Variants in ARL15 observed in about 807,000 individuals in gnomAD.
ARL15 encodes ADP-ribosylation factor-like protein 15.
In ARL15, 19 loss-of-function variants were observed where a neutral mutation model predicts 25.2. That is an observed-to-expected ratio of 0.75 (90% confidence interval 0.53 to 1.10). The LOEUF is 1.10. ARL15 is among the 50% of genes least tolerant of loss of function. The pLI, the probability that ARL15 is intolerant of heterozygous loss-of-function variation, is 0.00. For missense variants in ARL15, 220 were observed against 246.0 expected (o/e 0.89, Z 0.71); for synonymous variants, 94 against 86.8 (o/e 1.08, Z -0.46).
intron 4 of ARL15, among the ~76,000 whole-genome samples, chr5:54,067,361 A>G (rs1222315758): frequency 6.6e-6 from 1 of 152,188 alleles, no homozygotes; most frequent in African/African-American, 2.4e-5. Context: ...TCATTTTGTG[A>G]GCTTAACTAT....
intron 4 of ARL15, among the ~76,000 whole-genome samples, chr5:54,049,628 T>A (rs1750644504): frequency 1.3e-5 from 2 of 151,942 alleles, no homozygotes; most frequent in South Asian, 4.2e-4. Flanking sequence ...TGAGATAGGG[T>A]CTCACCCTGT....
At chr5:54,306,545 G>A (rs1276334433) in intron 1 of ARL15, among the ~76,000 whole-genome samples, 1 of 151,654 alleles carries the variant, frequency 6.6e-6, no homozygotes, top group Non-Finnish European at 1.5e-5. Flanking sequence ...CATGCGCCAC[G>A]ACACCCAGCT....
At chr5:54,298,661 C>T (rs568863409) in intron 1 of ARL15, among the ~76,000 whole-genome samples, 170 of 152,142 alleles carry the variant, frequency 1.1e-3, no homozygotes, top group African/African-American at 3.9e-3. Flanking sequence ...TAATCGGCAC[C>T]GCAACAAGGC....
intron 1 of ARL15, among the ~76,000 whole-genome samples, chr5:54,186,235 A>G (rs1579888329): frequency 1.3e-5 from 2 of 152,338 alleles, no homozygotes; most frequent in South Asian, 4.1e-4. Flanking sequence ...AATGTTTACT[A>G]TGGTCTAGCG....
chr5:54,175,676 ACAGT>A (rs2112413467), intron 1 of ARL15, among the ~76,000 whole-genome samples: 2 of 134,630 alleles, frequency 1.5e-5, no homozygotes, highest in Admixed American at 1.5e-4. Context: ...TTTTTTTAAG[ACAGT>A]CTGTCTCTGT....
intron 3 of ARL15, among the ~76,000 whole-genome samples, chr5:54,151,229 G>A (rs1754060385): frequency 6.6e-6 from 1 of 152,152 alleles, no homozygotes; most frequent in Non-Finnish European, 1.5e-5. Context: ...AGCCTGGAGG[G>A]TGTGACAGGT....
chr5:54,233,835 A>G (rs1232844376), intron 1 of ARL15, among the ~76,000 whole-genome samples: 3 of 152,230 alleles, frequency 2.0e-5, no homozygotes, highest in African/African-American at 4.8e-5. Context: ...AACACACAAC[A>G]GATTAAATGC....
intron 1 of ARL15, among the ~76,000 whole-genome samples, chr5:54,203,896 C>T (rs1436104489): frequency 6.6e-6 from 1 of 152,054 alleles, no homozygotes; most frequent in Non-Finnish European, 1.5e-5. Context: ...TTCCTACAGG[C>T]AGGGGCAGGA....
At chr5:54,094,551 C>T (rs1018602983) in intron 4 of ARL15, among the ~76,000 whole-genome samples, 1 of 150,824 alleles carries the variant, frequency 6.6e-6, no homozygotes, top group Admixed American at 6.6e-5. Context: ...TCTTAAATGC[C>T]CTAATAAAAT....
intron 4 of ARL15, among the ~76,000 whole-genome samples, chr5:54,073,581 A>G (rs1166657507): frequency 6.6e-6 from 1 of 152,130 alleles, no homozygotes; most frequent in Non-Finnish European, 1.5e-5. Context: ...ACAATATAAC[A>G]CTCTGGGGAA....
intron 1 of ARL15, among the ~76,000 whole-genome samples, chr5:54,193,995 A>G (rs1755480846): frequency 6.6e-6 from 1 of 152,176 alleles, no homozygotes; most frequent in Non-Finnish European, 1.5e-5. Context: ...AACTGTAAAT[A>G]AAAACATACA....
intron 4 of ARL15, among the ~76,000 whole-genome samples, chr5:54,100,127 T>C (rs943353385): frequency 6.6e-6 from 1 of 152,090 alleles, no homozygotes; most frequent in Admixed American, 6.6e-5. Flanking sequence ...AACTTAAATA[T>C]AAAGAAAACA....
chr5:53,996,153 A>C (rs1451375580), intron 4 of ARL15, among the ~76,000 whole-genome samples: 1 of 152,170 alleles, frequency 6.6e-6, no homozygotes, highest in Non-Finnish European at 1.5e-5. Flanking sequence ...AGTTTTCTTA[A>C]ACTTTTAGTT....
At chr5:53,922,337 A>G (rs1745881734) in intron 4 of ARL15, among the ~76,000 whole-genome samples, 1 of 152,216 alleles carries the variant, frequency 6.6e-6, no homozygotes, top group Admixed American at 6.5e-5. Flanking sequence ...CCAGGAGAAG[A>G]ATCCAATAGT....
At chr5:54,289,798 G>A (rs1299010224) in intron 1 of ARL15, among the ~76,000 whole-genome samples, 2 of 152,090 alleles carry the variant, frequency 1.3e-5, no homozygotes, top group African/African-American at 4.8e-5. Context: ...AGTTATAAAA[G>A]GAAATACAGT....
intron 1 of ARL15, among the ~76,000 whole-genome samples, chr5:54,302,600 T>G (rs1463372650): frequency 1.3e-5 from 2 of 151,732 alleles, no homozygotes; most frequent in Admixed American, 1.3e-4. Flanking sequence ...GCCATGTATT[T>G]AGCGCTAGAA....
intron 2 of ARL15, among the ~76,000 whole-genome samples, chr5:54,167,405 G>A (rs763145221): frequency 1.3e-5 from 2 of 152,170 alleles, no homozygotes; most frequent in Non-Finnish European, 2.9e-5. Flanking sequence ...CCACAGCCTG[G>A]AAACTCTCAA....
At chr5:53,960,372 C>T (rs1747321753) in intron 4 of ARL15, among the ~76,000 whole-genome samples, 1 of 152,152 alleles carries the variant, frequency 6.6e-6, no homozygotes, top group Non-Finnish European at 1.5e-5. Context: ...GATGACAGCT[C>T]AGGTCACTAC....
chr5:54,037,320 T>C (rs1750197311), intron 4 of ARL15, among the ~76,000 whole-genome samples: 1 of 152,100 alleles, frequency 6.6e-6, no homozygotes, highest in East Asian at 1.9e-4. Flanking sequence ...TTACCCTTTA[T>C]TTTTCTATTT....
Sources: gnomAD v4.1 joint callset for allele counts (sites outside exome capture counted in the v4.1 genomes callset) on GRCh38, gnomAD v4.1.1 for gene constraint, MANE v1.5 for transcripts, NCBI Gene and HGNC (gene_info 2026-07-23, HGNC 2026-07-21) for gene names.